Variants in ATP11C observed in about 807,000 individuals in gnomAD.
The protein encoded by ATP11C is ATPase phospholipid transporting 11C (ATP11C blood group), also known as phospholipid-transporting ATPase IG.
In ATP11C, 36 loss-of-function variants were observed where a neutral mutation model predicts 97.4. The observed-to-expected ratio is 0.37, with a 90% confidence interval of 0.28 to 0.49. The LOEUF (loss-of-function observed/expected upper bound fraction) is 0.49. Ranked by LOEUF, ATP11C falls within the 20% of genes least tolerant of loss-of-function variation. ATP11C has a pLI of 0.98. For synonymous variants in ATP11C, 275 were observed against 290.9 expected (o/e 0.95, Z 0.56); for missense variants, 730 against 824.6 (o/e 0.89, Z 1.40).
intron 20 of ATP11C, among the ~76,000 whole-genome samples, chrX:139,765,125 G>A (rs2082110289): frequency 9.0e-6 from 1 of 110,751 alleles, no homozygotes; most frequent in South Asian, 3.9e-4. Context: ...TACAATCATG[G>A]ACCATAAAAT....
At chrX:139,800,602 A>ATGC (rs2082906691) in intron 7 of ATP11C, among the ~76,000 whole-genome samples, 2 of 111,452 alleles carry the variant, frequency 1.8e-5, no homozygotes, top group African/African-American at 6.5e-5. Flanking sequence ...TTCCCCAGTA[A>ATGC]TGCTGCTGCT....
chrX:139,752,649 C>T (rs2081846020), intron 23 of ATP11C, among the ~76,000 whole-genome samples: 1 of 112,047 alleles, frequency 8.9e-6, no homozygotes, highest in South Asian at 3.7e-4. Flanking sequence ...AGCCAACTTA[C>T]CTTTAGCACA....
chrX:139,815,452 CA>C (rs913401783), intron 4 of ATP11C, among the ~76,000 whole-genome samples: 1 of 111,752 alleles, frequency 8.9e-6, no homozygotes, highest in Non-Finnish European at 1.9e-5. Flanking sequence ...TTCTCACCCA[CA>C]GAGAATAATA....
At chrX:139,760,833 A>C (rs1489989454) in intron 22 of ATP11C, among the ~76,000 whole-genome samples, 1 of 112,271 alleles carries the variant, frequency 8.9e-6, no homozygotes, top group Non-Finnish European at 1.9e-5. Context: ...TCACAACATA[A>C]ATTAAGTGAA....
At chrX:139,799,669 TG>T (rs1339157181) in intron 8 of ATP11C, among the ~76,000 whole-genome samples, 63 of 91,721 alleles carry the variant, frequency 6.9e-4, no homozygotes, top group Non-Finnish European at 1.2e-3. Context: ...TTTTTTTTTT[TG>T]AGATGGAGTC....
chrX:139,899,874 T>G (rs1174752738), intron 1 of ATP11C, among the ~76,000 whole-genome samples: 3 of 111,678 alleles, frequency 2.7e-5, no homozygotes, highest in African/African-American at 9.8e-5. Flanking sequence ...ATTAATTTCC[T>G]ATGGCTCATC....
chrX:139,828,562 T>C (rs1441411576), intron 1 of ATP11C, among the ~76,000 whole-genome samples: 1 of 112,060 alleles, frequency 8.9e-6, no homozygotes, highest in Non-Finnish European at 1.9e-5. Context: ...ATGTACCAAT[T>C]TGAATTACAG....
Position 139,798,683 on chromosome X carries a change from T to C in ATP11C, c.771A>G (p.Ile257Met). ...KGATLKNTEKIYGVAVYTGME... is the reference protein window; with the variant it reads ...KGATLKNTEKMYGVAVYTGME... ...TGTATCTTAAAAATTGTTCACCATATATCTTCTCGGTATTTTTTAGCGTAG... is the reference window on the plus strand; with the variant it reads ...TGTATCTTAAAAATTGTTCACCATACATCTTCTCGGTATTTTTTAGCGTAG... Residue 257 changes from isoleucine (I) to methionine (M), a missense_variant, in exon 9 of 30, where the codon ATA (isoleucine) becomes ATG (methionine). By Grantham distance (10) the Ile-to-Met change is conservative. Coordinates refer to ENST00000682941, the MANE Select transcript of ATP11C (RefSeq NM_001353812.2). 4 of 1,200,132 alleles carry C rather than the reference T, an allele frequency of 3.3e-6. No homozygotes were observed. The highest frequency in any genetic ancestry group is 3.4e-6 in the Non-Finnish European group (3 of 885,859).
At chrX:139,767,798 G>A (rs923773639) in intron 20 of ATP11C, among the ~76,000 whole-genome samples, 1 of 111,977 alleles carries the variant, frequency 8.9e-6, no homozygotes, top group African/African-American at 3.2e-5. Context: ...ACCATGGACC[G>A]TCACAGAGAC....
In ATP11C at chrX:139,800,093, T is replaced by C. The variant is rs374927991; in HGVS notation, c.677A>G (p.Asn226Ser). The C allele has an allele frequency of 3.8e-5, 45 of 1,170,880 alleles. 1 individual carries two copies. Among genetic ancestry groups the C allele is most frequent in the African/African-American group, 3.3e-4 (18 of 54,189 alleles). ...PDLYKFVGRI[N>S]IYSNSLEAVA... ...AGCCTCAAGACTATTACTGTAGATA[T>C]TGATTCGCCCAACAAATCTGTAAAA... The change falls in exon 8 of 30, where the codon AAT (asparagine) becomes AGT (serine). Residue 226 changes from asparagine (N) to serine (S), a missense_variant. Coordinates refer to ENST00000682941, the MANE Select transcript of ATP11C (RefSeq NM_001353812.2).
rs2085449429 is a variant in ATP11C, at chrX:139,932,193, G to GAGCACGGGGAACC, written c.-152_-151insGGTTCCCCGTGCT. ...ACCCGCTCGCCGCCTGCCCCCCTCG[G>GAGCACGGGGAACC]CTCTCCGCGCTCCCCCGCCCCCCAG... On this transcript the variant is annotated 5_prime_UTR_variant, in exon 1 of 30. Coordinates refer to ENST00000682941, the MANE Select transcript of ATP11C (RefSeq NM_001353812.2). 3.3e-6 allele frequency: 1 copy of GAGCACGGGGAACC among 305,699 alleles called. No homozygotes were observed. Among genetic ancestry groups the GAGCACGGGGAACC allele is most frequent in the African/African-American group, 2.9e-5 (1 of 33,939 alleles). 25.2% of individuals were successfully genotyped at this position (305,699 alleles called of 1,213,427 possible).
At chrX:139,770,579 T>G (rs1256281433) in intron 19 of ATP11C, among the ~76,000 whole-genome samples, 1 of 110,555 alleles carries the variant, frequency 9.0e-6, no homozygotes, top group Non-Finnish European at 1.9e-5. Context: ...CATGATGTAC[T>G]AGACCTCTGA....
chrX:139,934,187 G>C (rs2085495897), upstream of ATP11C, among the ~76,000 whole-genome samples: 1 of 111,649 alleles, frequency 9.0e-6, no homozygotes, highest in Non-Finnish European at 1.9e-5. Flanking sequence ...TGTAGGTAAG[G>C]GCGGCTCGAA....
At chrX:139,865,213 T>TA (rs1467909774) in intron 1 of ATP11C, among the ~76,000 whole-genome samples, 3 of 110,569 alleles carry the variant, frequency 2.7e-5, no homozygotes, top group South Asian at 7.8e-4. Flanking sequence ...AAATTAAAAT[T>TA]AAAAAAAATT....
intron 1 of ATP11C, among the ~76,000 whole-genome samples, chrX:139,842,152 C>T (rs192555551): frequency 2.9e-3 from 327 of 112,727 alleles, no homozygotes; most frequent in African/African-American, 9.9e-3. Flanking sequence ...CTGCCTCAGC[C>T]TCCCAAGTAG....
intron 2 of ATP11C, among the ~76,000 whole-genome samples, chrX:139,826,075 A>G (rs925899443): frequency 1.8e-5 from 2 of 112,052 alleles, no homozygotes; most frequent in Non-Finnish European, 3.8e-5. Flanking sequence ...ATTTAAATAC[A>G]GGTGTTCAAA....
At chrX:139,795,987 T>C (rs776504488) in intron 12 of ATP11C, among the ~76,000 whole-genome samples, 1 of 112,229 alleles carries the variant, frequency 8.9e-6, no homozygotes, top group South Asian at 3.7e-4. Context: ...GACTGTTTCC[T>C]GTTCCAAAGC....
chrX:139,809,627 C>T (rs766941522), intron 5 of ATP11C, among the ~76,000 whole-genome samples: 24 of 112,132 alleles, frequency 2.1e-4, no homozygotes, highest in Non-Finnish European at 4.5e-4. Context: ...TGTGAATGTA[C>T]TTACTATAAA....
intron 1 of ATP11C, among the ~76,000 whole-genome samples, chrX:139,906,754 C>T (rs961555271): frequency 9.3e-6 from 1 of 107,665 alleles, no homozygotes; most frequent in Admixed American, 1.0e-4. Context: ...TGCACTCCAG[C>T]CTGGGCAACA....
Sources: allele counts gnomAD v4.1 joint callset (sites outside exome capture counted in the v4.1 genomes callset), GRCh38; gene constraint gnomAD v4.1.1; transcripts MANE v1.5; gene names NCBI Gene and HGNC (gene_info 2026-07-23, HGNC 2026-07-21).